The following ATAD2B variants were observed in gnomAD, a reference collection of about 807,000 sequenced individuals.
ATAD2B encodes ATPase family AAA domain containing 2B, also known as ATPase family AAA domain-containing protein 2B.
Under a neutral mutation model 167.6 loss-of-function variants are expected in ATAD2B, and 40 were observed. The ratio of observed to expected loss-of-function variants is 0.24; its 90% CI spans 0.19 to 0.31. The LOEUF is 0.31. Ranked by LOEUF, ATAD2B falls within the 10% of genes least tolerant of loss-of-function variation. ATAD2B has a pLI of 1.00. For missense variants in ATAD2B, 1,242 were observed against 1,757.2 expected (o/e 0.71, Z 5.24); for synonymous variants, 579 against 596.5 (o/e 0.97, Z 0.43).
chr2:23,695,171 G>A, the ATAD2B span, among the ~76,000 whole-genome samples: 1 of 152,140 alleles, frequency 6.6e-6, no homozygotes, highest in Non-Finnish European at 1.5e-5. This position sits in a 1 kb window ranked among gnomAD's most constrained non-coding sequence, Gnocchi z 7.6. Flanking sequence ...AGACTTACAA[G>A]CTCAATAGTC....
At chr2:23,872,572 C>T (rs533367375) in intron 8 of ATAD2B, 276 of 1,177,690 alleles carry the variant, frequency 2.3e-4, no homozygotes, top group African/African-American at 1.0e-3. Flanking sequence ...GCTGATCCTC[C>T]GTGAGGTCTG....
At chr2:23,718,865 C>A in the ATAD2B span, among the ~76,000 whole-genome samples, 12 of 152,174 alleles carry the variant, frequency 7.9e-5, no homozygotes, top group African/African-American at 2.9e-4. Context: ...ATCACGCCAA[C>A]CTCTGCTTTG....
intron 23 of ATAD2B, among the ~76,000 whole-genome samples, chr2:23,762,626 A>G (rs1486908875): frequency 2.0e-5 from 3 of 152,204 alleles, no homozygotes; most frequent in Non-Finnish European, 4.4e-5. Context: ...CACATTTTAC[A>G]TTATTATGAC....
intron 15 of ATAD2B, among the ~76,000 whole-genome samples, chr2:23,823,832 A>C (rs1366455513): frequency 2.0e-5 from 3 of 152,224 alleles, no homozygotes; most frequent in Admixed American, 2.0e-4. Context: ...TATTAAAACA[A>C]AACAAGCTAT....
chr2:23,914,277 G>A (rs1363345472), intron 1 of ATAD2B, among the ~76,000 whole-genome samples: 1 of 152,060 alleles, frequency 6.6e-6, no homozygotes, highest in African/African-American at 2.4e-5. Flanking sequence ...CTATATGTGT[G>A]TACAAAGTCA....
chr2:23,729,751 G>A, the ATAD2B span, among the ~76,000 whole-genome samples: 1 of 152,112 alleles, frequency 6.6e-6, no homozygotes, highest in African/African-American at 2.4e-5. Context: ...AAAGAATGAA[G>A]TAGCTATATT....
intron 12 of ATAD2B, 104 bp downstream of exon 12, chr2:23,863,277 C>T: frequency 8.8e-7 from 1 of 1,131,438 alleles, no homozygotes; most frequent in South Asian, 1.7e-5. Context: ...CTATTGCACT[C>T]ACTCCAGCCT....
chr2:23,809,886 A>C (rs1042425830), intron 18 of ATAD2B, among the ~76,000 whole-genome samples: 3 of 152,214 alleles, frequency 2.0e-5, no homozygotes, highest in Non-Finnish European at 4.4e-5. Context: ...ACAAATATCT[A>C]TAATTTTTGA....
intron 16 of ATAD2B, among the ~76,000 whole-genome samples, chr2:23,823,031 C>T (rs1331037019): frequency 1.3e-5 from 2 of 149,182 alleles, no homozygotes; most frequent in Non-Finnish European, 3.0e-5. Flanking sequence ...AATAGCCCTA[C>T]ATTAAGATGA....
At chr2:23,895,317 C>T (rs1257964919) in intron 2 of ATAD2B, among the ~76,000 whole-genome samples, 1 of 151,786 alleles carries the variant, frequency 6.6e-6, no homozygotes, top group African/African-American at 2.4e-5. Flanking sequence ...GAGTAAATGT[C>T]GGTAATTTAC....
In ATAD2B at chr2:23,857,446, C is replaced by T; in HGVS notation, c.1537G>A (p.Val513Ile). ...ATCTGATCTTGTCTGCTAGAGCGAACTGGAGCTAATCCATCTATTTCATCA... is the reference window on the plus strand; with the variant it reads ...ATCTGATCTTGTCTGCTAGAGCGAATTGGAGCTAATCCATCTATTTCATCA... ...FFDEIDGLAP[V>I]RSSRQDQIHS... Residue 513 changes from valine (V) to isoleucine (I), a missense_variant, in exon 13 of 28, where the codon GTT (valine) becomes ATT (isoleucine). Val to Ile is a conservative substitution (Grantham distance 29). Around this residue, in one of 9 missense-constraint regions of ATAD2B, gnomAD observed 151 missense variants for 284.1 expected, o/e 0.53. Transcript: ENST00000238789. 6.6e-7 allele frequency: 1 copy of T among 1,520,026 alleles called. No individual in the cohort carries two copies. The highest frequency in any genetic ancestry group is 1.4e-5 in the African/African-American group (1 of 70,098). The allele number at this position is 1,520,026 out of a possible 1,614,324, so 94.2% of individuals were successfully genotyped here.
intron 14 of ATAD2B, 123 bp downstream of exon 14, chr2:23,833,796 A>G: frequency 1.3e-6 from 1 of 755,648 alleles, no homozygotes. Context: ...TTAAAGCATT[A>G]GCTAAGATAT....
chr2:23,862,511 T>C (rs376069310), intron 12 of ATAD2B, among the ~76,000 whole-genome samples: 1 of 148,602 alleles, frequency 6.7e-6, no homozygotes, highest in Non-Finnish European at 1.5e-5. Context: ...CCGGGGCTCA[T>C]GCAATCCATC....
chr2:23,699,958 C>CCAT, the ATAD2B span, among the ~76,000 whole-genome samples: 8 of 152,212 alleles, frequency 5.3e-5, no homozygotes, highest in African/African-American at 1.9e-4. Context: ...GAAAATGGAG[C>CCAT]CATCAGTCAA....
Position 23,852,524 on chromosome 2 carries a change from A to G in ATAD2B, c.1568+4891T>C, listed in dbSNP as rs137950854. Among the ~76,000 whole-genome samples the G allele has an allele frequency of 3.0e-3, 464 of 152,358 alleles. 1 individual carries two copies. Among genetic ancestry groups the G allele is most frequent in the South Asian group, 5.6e-3 (27 of 4,832 alleles). ...TCAAAATCTCATTAATACAGATAAT[A>G]AAACTTTTTATATTAGCAAGTGGAA... On this transcript the variant is annotated intron_variant, in intron 13 of 27. Coordinates refer to ENST00000238789, the MANE Select transcript of ATAD2B (RefSeq NM_017552.4).
rs1691884170 is a variant in ATAD2B at position 23,847,681 on chromosome 2, T to TAA, written c.1568+9733_1568+9734insTT. The stretch of plus-strand genomic sequence containing the variant: ...AAACAAAGCTGTTTTTGCTTTTGTT[T>TAA]TAAAAAAAAAAAAATGTGCTTTCAG... On this transcript the variant is annotated intron_variant, in intron 13 of 27. Coordinates refer to ENST00000238789, the MANE Select transcript of ATAD2B (RefSeq NM_017552.4). Among the ~76,000 whole-genome samples the TAA allele has an allele frequency of 9.0e-5, 13 of 144,876 alleles. No individual in the cohort carries two copies. In the South Asian group the frequency reaches 2.2e-3, roughly 25 times the overall value.
At chr2:23,875,727 G>C in intron 8 of ATAD2B, 102 bp downstream of exon 8, 2 of 784,842 alleles carry the variant, frequency 2.5e-6, no homozygotes, top group East Asian at 2.7e-5. Flanking sequence ...GATAATAGTA[G>C]CTAAATAGGA....
intron 8 of ATAD2B, among the ~76,000 whole-genome samples, chr2:23,870,239 A>T (rs1429984732): frequency 6.6e-6 from 1 of 150,528 alleles, no homozygotes; most frequent in East Asian, 1.9e-4. Flanking sequence ...TAGAAAGCCT[A>T]AAGTTTTTTT....
At position 23,798,192 on chromosome 2, in the gene ATAD2B, T is replaced by G; in HGVS notation, c.2586A>C (p.Ser862=). The G allele has an allele frequency of 1.2e-6, 2 of 1,604,924 alleles. No homozygotes were observed. Among genetic ancestry groups the G allele is most frequent in the East Asian group, 4.5e-5 (2 of 44,738 alleles). ...CAGAGGTAGACAATAAAAATATAGG[T>G]GAAAATGATGGTATATCTTGTAGCA... The part of the protein sequence containing the change: ...LTLLQDIPSF[S]PIFLLSTSET... Residue 862 remains serine, a synonymous_variant, in exon 19 of 28, where the codon TCA becomes TCC. Coordinates refer to ENST00000238789, the MANE Select transcript of ATAD2B (RefSeq NM_017552.4).
Sources: gnomAD v4.1 joint callset for allele counts (sites outside exome capture counted in the v4.1 genomes callset) on GRCh38, gnomAD v4.1.1 for gene constraint, gnomAD v4.1.1 regional missense constraint, Gnocchi (gnomAD v3.1) non-coding constraint, MANE v1.5 for transcripts, NCBI Gene and HGNC (gene_info 2026-07-23, HGNC 2026-07-21) for gene names.